Variants in PPP3CB observed in about 807,000 individuals in gnomAD.
PPP3CB encodes the protein serine/threonine-protein phosphatase 2B catalytic subunit beta isoform.
Under a neutral mutation model 66.4 loss-of-function variants are expected in PPP3CB, and 8 were observed. The observed-to-expected ratio is 0.12, with a 90% confidence interval of 0.07 to 0.22. PPP3CB has a LOEUF of 0.22. PPP3CB is among the 10% of genes least tolerant of loss of function. The pLI, the probability that PPP3CB is intolerant of heterozygous loss-of-function variation, is 1.00. For synonymous variants in PPP3CB, 208 were observed against 221.2 expected, an observed-to-expected ratio of 0.94 and a Z score of 0.53; for missense variants, 319 against 642.5, an observed-to-expected ratio of 0.50 and a Z score of 5.44.
intron 12 of PPP3CB, among the ~76,000 whole-genome samples, chr10:73,443,335 A>AG (rs2056193495): frequency 6.6e-6 from 1 of 151,248 alleles, no homozygotes; most frequent in African/African-American, 2.4e-5. Flanking sequence ...AAAGAAAAAG[A>AG]AAGAGAAGAG....
chr10:73,454,722 CAA>C (rs58855717), intron 9 of PPP3CB, among the ~76,000 whole-genome samples: 12 of 91,446 alleles, frequency 1.3e-4, no homozygotes, highest in Non-Finnish European at 1.2e-4. Context: ...TCAGGCCTCT[CAA>C]AAAAAAAAAA....
chr10:73,486,516 G>A (rs2056981339), intron 1 of PPP3CB, among the ~76,000 whole-genome samples: 1 of 150,240 alleles, frequency 6.7e-6, no homozygotes, highest in South Asian at 2.1e-4. Context: ...TGTTGGTCAG[G>A]CTGGTCTTGA....
chr10:73,444,660 G>T lies in PPP3CB; in HGVS notation c.1366+65C>A, dbSNP rs770272563. The stretch of plus-strand genomic sequence containing the variant: ...ATTCCCTGCATGCATTATGTGAATT[G>T]TTAGCAAAAGAGTGAGGTGTGCCCC... On this transcript the variant is annotated intron_variant, in intron 12 of 13. Transcript: ENST00000360663. 9 of 1,605,636 alleles carry T rather than the reference G, an allele frequency of 5.6e-6. No individual in the cohort carries two copies. The African/African-American group carries it at 1.2e-4, about 21-fold the overall frequency.
chr10:73,486,727 C>T (rs933535459), intron 1 of PPP3CB, among the ~76,000 whole-genome samples: 3 of 152,172 alleles, frequency 2.0e-5, no homozygotes, highest in Admixed American at 6.5e-5. Flanking sequence ...CTCATTTTTC[C>T]GCATTCCACT....
intron 1 of PPP3CB, among the ~76,000 whole-genome samples, chr10:73,481,935 T>C (rs1397633745): frequency 6.6e-6 from 1 of 152,084 alleles, no homozygotes; most frequent in Non-Finnish European, 1.5e-5. Flanking sequence ...CCCCCAAATA[T>C]AGCATGTCAA....
chr10:73,464,706 C>A (rs572660594), intron 9 of PPP3CB, among the ~76,000 whole-genome samples: 1 of 152,072 alleles, frequency 6.6e-6, no homozygotes, highest in African/African-American at 2.4e-5. Flanking sequence ...TTGAGGCAAA[C>A]AGAGCCCTTG....
At chr10:73,477,284 A>G (rs920691121) in intron 3 of PPP3CB, 1 of 508,096 alleles carries the variant, frequency 2.0e-6, no homozygotes. Context: ...ACCTCTAGGA[A>G]TTTGTCCTAC....
At chr10:73,438,735 T>C (rs1470561261) in intron 13 of PPP3CB, among the ~76,000 whole-genome samples, 1 of 152,220 alleles carries the variant, frequency 6.6e-6, no homozygotes, top group African/African-American at 2.4e-5. Flanking sequence ...GGTCTCAGTC[T>C]GACTTCTACT....
At chr10:73,456,019 CA>C (rs1394555507) in intron 9 of PPP3CB, among the ~76,000 whole-genome samples, 4 of 152,102 alleles carry the variant, frequency 2.6e-5, no homozygotes, top group African/African-American at 9.7e-5. Flanking sequence ...AAATATCTAA[CA>C]AATAAGTACA....
chr10:73,461,223 G>C (rs2056515877), intron 9 of PPP3CB, among the ~76,000 whole-genome samples: 1 of 152,226 alleles, frequency 6.6e-6, no homozygotes. Flanking sequence ...GAGGTGCATG[G>C]ATCACTTGAG....
chr10:73,438,289 C>T lies in PPP3CB; in HGVS notation c.1528G>A (p.Ala510Thr), dbSNP rs756307973. 1.3e-5 allele frequency: 21 copies of T among 1,613,970 alleles called. No individual in the cohort carries two copies. The highest frequency in any genetic ancestry group is 1.6e-5 in the Non-Finnish European group (19 of 1,180,000). Reference protein sequence around the residue: ...QQDGFNSLNTAHATENHGTGN... With the variant: ...QQDGFNSLNTTHATENHGTGN... ...GTCCCGTGGTTCTCAGTGGCATGTG[C>T]GGTGTTCAGAGAATTGAAACCATCT... Residue 510 changes from alanine to threonine, a missense_variant, in exon 14 of 14, where the codon GCA (alanine) becomes ACA (threonine). Ala to Thr is a moderately conservative substitution (Grantham distance 58). This residue lies in a region of PPP3CB where 25 missense variants were observed against 26.4 expected (regional missense o/e 0.95). Coordinates refer to ENST00000360663, the MANE Select transcript of PPP3CB (RefSeq NM_021132.4).
chr10:73,460,108 A>T (rs989537550), intron 9 of PPP3CB, among the ~76,000 whole-genome samples: 5 of 152,142 alleles, frequency 3.3e-5, no homozygotes, highest in Non-Finnish European at 7.4e-5. Flanking sequence ...AATGAGGCTG[A>T]AGAGAAAGTA....
At chr10:73,493,493 T>C (rs2057112084) in intron 1 of PPP3CB, among the ~76,000 whole-genome samples, 1 of 152,200 alleles carries the variant, frequency 6.6e-6, no homozygotes, top group Non-Finnish European at 1.5e-5. Flanking sequence ...TATCACATTA[T>C]AGTATAATTA....
intron 9 of PPP3CB, among the ~76,000 whole-genome samples, chr10:73,457,629 T>C (rs1346335776): frequency 5.3e-5 from 8 of 151,608 alleles, no homozygotes; most frequent in Admixed American, 3.3e-4. Flanking sequence ...TCCCAGCTAC[T>C]TGGGAGGGTG....
At chr10:73,463,158 T>C (rs1157219510) in intron 9 of PPP3CB, among the ~76,000 whole-genome samples, 1 of 152,092 alleles carries the variant, frequency 6.6e-6, no homozygotes, top group African/African-American at 2.4e-5. Flanking sequence ...AAATATGTAA[T>C]CTTGTTAAGT....
chr10:73,470,521 C>G (rs1166198533), intron 8 of PPP3CB, among the ~76,000 whole-genome samples, 166 bp downstream of exon 8: 9 of 152,252 alleles, frequency 5.9e-5, no homozygotes, highest in Admixed American at 3.9e-4. Context: ...TACTTAGTTT[C>G]ACATTTTGGA....
At chr10:73,471,658 G>T (rs748002669) in intron 4 of PPP3CB, 45 bp from the exon 5 acceptor site, 2 of 1,439,246 alleles carry the variant, frequency 1.4e-6, no homozygotes, top group Non-Finnish European at 1.9e-6. Flanking sequence ...ACTGGTGGTG[G>T]TGTGACCATT....
intron 1 of PPP3CB, among the ~76,000 whole-genome samples, chr10:73,479,929 G>C (rs1056414787): frequency 6.6e-6 from 1 of 151,864 alleles, no homozygotes; most frequent in African/African-American, 2.4e-5. Context: ...TCGTAGGCTG[G>C]GGCAGGAGGA....
intron 1 of PPP3CB, 59 bp downstream of exon 1, chr10:73,495,746 C>A: frequency 2.0e-6 from 3 of 1,534,006 alleles, no homozygotes; most frequent in South Asian, 2.3e-5. Context: ...GTCTCCCGCC[C>A]GCCCTCACAC....
Sources: gnomAD v4.1 joint callset for allele counts (sites outside exome capture counted in the v4.1 genomes callset) on GRCh38, gnomAD v4.1.1 for gene constraint, gnomAD v4.1.1 regional missense constraint, MANE v1.5 for transcripts, NCBI Gene and HGNC (gene_info 2026-07-23, HGNC 2026-07-21) for gene names.